The following TTC17 variants were observed in gnomAD, a reference collection of about 807,000 sequenced individuals.
TTC17 encodes tetratricopeptide repeat domain 17, also known as tetratricopeptide repeat protein 17.
TTC17 carries 58 observed loss-of-function variants against 143.8 expected under a neutral mutation model. The observed-to-expected ratio is 0.40, with a 90% CI of 0.33 to 0.50. The LOEUF (loss-of-function observed/expected upper bound fraction) is 0.50, where lower values mean the gene tolerates loss of function less well. Among genes scored for constraint, TTC17 ranks in the 20% least tolerant of loss-of-function variants. The pLI is 0.49. For missense variants in TTC17, 1,273 were observed against 1,392.5 expected (o/e 0.91, Z 1.37); for synonymous variants, 501 against 497.8 (o/e 1.01, Z -0.09).
At chr11:43,420,752 T>A (rs1440932675) in intron 16 of TTC17, among the ~76,000 whole-genome samples, 1 of 152,130 alleles carries the variant, frequency 6.6e-6, no homozygotes, top group African/African-American at 2.4e-5. Context: ...ATTTGTTGGT[T>A]TTTAATGTGA....
At chr11:43,481,044 A>T (rs1001191425) in intron 21 of TTC17, among the ~76,000 whole-genome samples, 1 of 18,610 alleles carries the variant, frequency 5.4e-5, no homozygotes, top group Non-Finnish European at 1.3e-4. Flanking sequence ...CCAGGTACAA[A>T]CTAATAAAAA....
intron 16 of TTC17, among the ~76,000 whole-genome samples, chr11:43,426,040 A>G (rs1340348453): frequency 6.6e-6 from 1 of 152,232 alleles, no homozygotes; most frequent in Non-Finnish European, 1.5e-5. Flanking sequence ...GCCTAAGTAC[A>G]TTTCAGGAAA....
At chr11:43,491,528 TG>T (rs1408393318) in intron 22 of TTC17, 1 of 152,684 alleles carries the variant, frequency 6.5e-6, no homozygotes, top group Non-Finnish European at 1.5e-5. Flanking sequence ...CGTAGAGGAC[TG>T]GGAATGATTG....
intron 1 of TTC17, among the ~76,000 whole-genome samples, chr11:43,362,262 G>A (rs1159585852): frequency 1.3e-5 from 2 of 151,466 alleles, no homozygotes; most frequent in Non-Finnish European, 2.9e-5. Flanking sequence ...CTTGTGATCC[G>A]CCCACCTTGG....
intron 21 of TTC17, among the ~76,000 whole-genome samples, chr11:43,476,319 A>C (rs76913886): frequency 0.045 from 6,783 of 152,324 alleles, 229 homozygotes; most frequent in African/African-American, 0.098. Context: ...TTGGCCAAAC[A>C]TAAGACAGTT....
At chr11:43,385,938 G>T (rs1389895255) in intron 2 of TTC17, among the ~76,000 whole-genome samples, 1 of 151,674 alleles carries the variant, frequency 6.6e-6, no homozygotes, top group Non-Finnish European at 1.5e-5. Flanking sequence ...CAGAAAAAAA[G>T]AAATGTTAGT....
intron 1 of TTC17, among the ~76,000 whole-genome samples, chr11:43,370,537 AGTTT>A (rs1439109472): frequency 6.6e-6 from 1 of 151,764 alleles, no homozygotes; most frequent in Non-Finnish European, 1.5e-5. Context: ...TTGTCATTAC[AGTTT>A]GTTTAAGGAA....
rs1858195598 is a variant in TTC17, at chr11:43,407,444, G to A, written c.1931G>A (p.Arg644Lys). 1.2e-6 allele frequency: 2 copies of A among 1,613,900 alleles called. No individual in the cohort carries two copies. The highest frequency in any genetic ancestry group is 1.3e-5 in the African/African-American group (1 of 74,914). Reference sequence around the variant, plus strand: ...ACTTTTGCTATTGCCTGTCTTCAGAGGGCTTTGAATTTAGCTCCACTTCAA... The same window carrying A: ...ACTTTTGCTATTGCCTGTCTTCAGAAGGCTTTGAATTTAGCTCCACTTCAA... ...NSTFAIACLQ[R>K]ALNLAPLQYQ... The change falls in exon 15 of 24, where the codon AGG (arginine) becomes AAG (lysine). Residue 644 changes from arginine to lysine, a missense_variant. This residue lies in a region of TTC17 where 878 missense variants were observed against 899.8 expected (regional missense o/e 0.98). Coordinates refer to ENST00000039989, the MANE Select transcript of TTC17 (RefSeq NM_018259.6).
intron 1 of TTC17, 72 bp downstream of exon 1, chr11:43,359,185 G>A (rs1855987697): frequency 6.9e-7 from 1 of 1,452,010 alleles, no homozygotes; most frequent in Non-Finnish European, 9.1e-7. Context: ...TTGGCCCCTG[G>A]CTGTTGGGCT....
intron 21 of TTC17, among the ~76,000 whole-genome samples, chr11:43,462,786 A>G (rs1480217595): frequency 6.6e-6 from 1 of 152,122 alleles, no homozygotes; most frequent in Non-Finnish European, 1.5e-5. Context: ...AAATAGACAT[A>G]TTCCCAATCA....
At chr11:43,362,417 C>T (rs984418371) in intron 1 of TTC17, among the ~76,000 whole-genome samples, 2 of 152,076 alleles carry the variant, frequency 1.3e-5, no homozygotes, top group African/African-American at 4.8e-5. Context: ...TAAAGATAGG[C>T]ACCCACCAGT....
intron 16 of TTC17, among the ~76,000 whole-genome samples, chr11:43,423,814 CTG>C (rs1334507079): frequency 1.3e-5 from 2 of 152,056 alleles, no homozygotes; most frequent in East Asian, 1.9e-4. Flanking sequence ...AATGAATAAA[CTG>C]TGGGAAGCTC....
chr11:43,387,958 G>A (rs1857229531), intron 2 of TTC17, among the ~76,000 whole-genome samples: 1 of 152,170 alleles, frequency 6.6e-6, no homozygotes, highest in Non-Finnish European at 1.5e-5. Flanking sequence ...ACATTGCTAA[G>A]ATTCTGGGGA....
intron 1 of TTC17, among the ~76,000 whole-genome samples, chr11:43,364,937 C>G (rs1856271867): frequency 6.6e-6 from 1 of 152,086 alleles, no homozygotes; most frequent in South Asian, 2.1e-4. Flanking sequence ...TCCTGAGTAG[C>G]TGGGATTATA....
At chr11:43,468,771 C>CA (rs1221292086) in intron 21 of TTC17, among the ~76,000 whole-genome samples, 4 of 152,064 alleles carry the variant, frequency 2.6e-5, no homozygotes, top group African/African-American at 7.2e-5. Flanking sequence ...CCCATCTCTA[C>CA]AAAAAATTTA....
In TTC17 at chr11:43,479,716, T is replaced by C. The variant is rs552686995; in HGVS notation, c.3031-10523T>C. Among the ~76,000 whole-genome samples the C allele has an allele frequency of 6.6e-5, 10 of 152,214 alleles. No individual in the cohort carries two copies. In the East Asian group the frequency reaches 1.9e-3, roughly 29 times the overall value. ...ATTTGATTTAGAGAATTGATGACGT[T>C]GTAGAGGGCTGAAAGAGAAAAAGGA... On this transcript the variant is annotated intron_variant, in intron 21 of 23. Coordinates refer to ENST00000039989, the MANE Select transcript of TTC17 (RefSeq NM_018259.6).
chr11:43,475,025 G>A (rs1392754504), intron 21 of TTC17, among the ~76,000 whole-genome samples: 1 of 152,070 alleles, frequency 6.6e-6, no homozygotes, highest in African/African-American at 2.4e-5. Flanking sequence ...TGAAGGAGAT[G>A]GAAGGGGAGG....
In TTC17 at chr11:43,400,010, T is replaced by C. The variant is rs762047448; in HGVS notation, c.1181T>C (p.Ile394Thr). 4 of 1,613,810 alleles carry C rather than the reference T, an allele frequency of 2.5e-6. No homozygotes were observed. Among genetic ancestry groups the C allele is most frequent in the African/African-American group, 1.3e-5 (1 of 75,022 alleles). The change falls in exon 9 of 24, where the codon ATC (isoleucine) becomes ACC (threonine). Residue 394 changes from isoleucine (I) to threonine (T), a missense_variant. Ile to Thr is a moderately conservative substitution (Grantham distance 89). Around this residue, in one of 3 missense-constraint regions of TTC17, gnomAD observed 325 missense variants for 444.2 expected, o/e 0.73. Transcript: ENST00000039989. ...CAGGAGGAGCAAATCTTAAGAAATA[T>C]CATTCATGAGACTCAGATGGCAAAA... ...LIQEEQILRN[I>T]IHETQMAKEA...
At chr11:43,460,754 G>A (rs1008626018) in intron 21 of TTC17, among the ~76,000 whole-genome samples, 1 of 152,132 alleles carries the variant, frequency 6.6e-6, no homozygotes, top group Non-Finnish European at 1.5e-5. Flanking sequence ...TCAAATGTCT[G>A]GGGCCTCAAC....
Sources: gnomAD v4.1 joint callset for allele counts (sites outside exome capture counted in the v4.1 genomes callset) on GRCh38, gnomAD v4.1.1 for gene constraint, gnomAD v4.1.1 regional missense constraint, MANE v1.5 for transcripts, NCBI Gene and HGNC (gene_info 2026-07-23, HGNC 2026-07-21) for gene names.